Variants in PHACTR2 observed in about 807,000 individuals in gnomAD.
PHACTR2 encodes the protein chromosome 6 open reading frame 56.
PHACTR2 carries 30 observed loss-of-function variants against 76.0 expected under a neutral mutation model. The ratio of observed to expected loss-of-function variants is 0.39; its 90% CI spans 0.30 to 0.54. The LOEUF (loss-of-function observed/expected upper bound fraction) is 0.54, where lower values mean the gene tolerates loss of function less well. Among genes scored for constraint, PHACTR2 ranks in the 20% least tolerant of loss-of-function variants. The pLI is 0.61. For missense variants in PHACTR2, 696 were observed against 781.1 expected (o/e 0.89, Z 1.30); for synonymous variants, 292 against 292.5 (o/e 1.00, Z 0.02).
At chr6:143,690,217 A>T (rs540106466) in intron 1 of PHACTR2, among the ~76,000 whole-genome samples, 1 of 152,288 alleles carries the variant, frequency 6.6e-6, no homozygotes, top group African/African-American at 2.4e-5. Flanking sequence ...AATATGTTCA[A>T]ATACTCGAGT....
At chr6:143,540,127 A>C (rs1781159162) in intron 1 of PHACTR2, among the ~76,000 whole-genome samples, 1 of 152,210 alleles carries the variant, frequency 6.6e-6, no homozygotes, top group South Asian at 2.1e-4. Context: ...CTACTACTGC[A>C]GTCTCCCAAG....
Position 143,683,815 on chromosome 6 carries a change from C to T in PHACTR2, c.46+5606C>T, listed in dbSNP as rs1777452328. 6.6e-6 allele frequency among the ~76,000 whole-genome samples: 1 copy of T among 152,188 alleles called. No homozygotes were observed. On this transcript the variant is annotated intron_variant, in intron 1 of 12. Transcript: ENST00000440869. The surrounding 1 kb of genome is among the most constrained non-coding windows in gnomAD (Gnocchi z 4.1). The stretch of plus-strand genomic sequence containing the variant: ...TGGGATAAAAATGAATTTACTCCCT[C>T]CCAGAATCCTCCAGTCCCACTTTTC...
rs1234691054 is a variant in PHACTR2, at chr6:143,596,668, A to G, written c.217+59461A>G. Among the ~76,000 whole-genome samples the G allele has an allele frequency of 2.0e-5, 3 of 151,954 alleles. No individual in the cohort carries two copies. The highest frequency in any genetic ancestry group is 2.0e-4 in the Admixed American group (3 of 15,252). ...AGCCTGGGCAACATAGTGAGACCCC[A>G]TTTTACTAAAAATAAAAAAGTTAGC... On this transcript the variant is annotated intron_variant, in intron 1 of 11. Coordinates refer to the PHACTR2 transcript ENST00000367584. The surrounding 1 kb of genome is among the most constrained non-coding windows in gnomAD (Gnocchi z 4.6).
chr6:143,633,243 C>T lies in PHACTR2; in HGVS notation c.13+24921C>T, dbSNP rs1481396039. ...TCCCATCAGCAAAGAATGAGAGTTC[C>T]TGTTGCTCCACGTCTCTACCAGGAT... On this transcript the variant is annotated intron_variant, in intron 1 of 11. Coordinates refer to the PHACTR2 transcript ENST00000305766. The surrounding 1 kb of genome is among the most constrained non-coding windows in gnomAD (Gnocchi z 4.1). Among the ~76,000 whole-genome samples, 1 of 152,204 alleles carries T rather than the reference C, an allele frequency of 6.6e-6. No homozygotes were observed. Among genetic ancestry groups the T allele is most frequent in the Admixed American group, 6.5e-5 (1 of 15,284 alleles).
rs1324553054 is a variant in PHACTR2 at position 143,589,996 on chromosome 6, G to C, written c.217+52789G>C. On this transcript the variant is annotated intron_variant, in intron 1 of 11. Coordinates refer to the PHACTR2 transcript ENST00000367584. The surrounding 1 kb of genome is among the most constrained non-coding windows in gnomAD (Gnocchi z 4.4). ...TCTAAAAATATAATGATCATGCCCA[G>C]GTTGAATTTATTACAGAATATTATA... Among the ~76,000 whole-genome samples, 1 of 152,090 alleles carries C rather than the reference G, an allele frequency of 6.6e-6. No homozygotes were observed. Among genetic ancestry groups the C allele is most frequent in the Non-Finnish European group, 1.5e-5 (1 of 68,026 alleles).
intron 1 of PHACTR2, among the ~76,000 whole-genome samples, chr6:143,681,879 A>G (rs1777395875): frequency 6.6e-6 from 1 of 152,226 alleles, no homozygotes; most frequent in Admixed American, 6.5e-5. Flanking sequence ...CCAAAAATTG[A>G]TTGACTGTGT....
Position 143,767,434 on chromosome 6 carries a change from A to C in PHACTR2, c.1232+1636A>C, listed in dbSNP as rs1779585719. ...GACAGCCAAGAAAAAATAAATGTCA[A>C]ATTACAAATTAATTTATTTTCTTTG... On this transcript the variant is annotated intron_variant, in intron 6 of 12. Coordinates refer to ENST00000440869, the MANE Select transcript of PHACTR2 (RefSeq NM_001100164.2). This position sits in a 1 kb window ranked among gnomAD's most constrained non-coding sequence, Gnocchi z 4.4. 6.6e-6 allele frequency among the ~76,000 whole-genome samples: 1 copy of C among 152,192 alleles called. No individual in the cohort carries two copies. Among genetic ancestry groups the C allele is most frequent in the Admixed American group, 6.5e-5 (1 of 15,276 alleles).
intron 1 of PHACTR2, among the ~76,000 whole-genome samples, chr6:143,573,542 C>A (rs1582679558): frequency 6.6e-6 from 1 of 151,416 alleles, no homozygotes; most frequent in Non-Finnish European, 1.5e-5. Context: ...TACCTCCAAA[C>A]CAGTTTTGTG....
chr6:143,769,209 AGCTTCAT>A (rs1441093123), intron 6 of PHACTR2, among the ~76,000 whole-genome samples: 1 of 152,226 alleles, frequency 6.6e-6, no homozygotes, highest in East Asian at 1.9e-4. Flanking sequence ...ATTCATGGGC[AGCTTCAT>A]CAGTAACACA....
rs539549077 is a variant in PHACTR2 at position 143,705,104 on chromosome 6, C to T, written c.47-6912C>T. 6.7e-4 allele frequency among the ~76,000 whole-genome samples: 101 copies of T among 151,480 alleles called. 3 individuals carry two copies. The South Asian group carries it at 0.019, about 28-fold the overall frequency. ...CCTCCCAAATTGCTGGGATTACAGGCGTGAGCCACCGCGCCCGGCCTTGTT... is the reference window on the plus strand; with the variant it reads ...CCTCCCAAATTGCTGGGATTACAGGTGTGAGCCACCGCGCCCGGCCTTGTT... On this transcript the variant is annotated intron_variant, in intron 1 of 12. Coordinates refer to ENST00000440869, the MANE Select transcript of PHACTR2 (RefSeq NM_001100164.2).
intron 1 of PHACTR2, among the ~76,000 whole-genome samples, chr6:143,555,714 A>C (rs1450210479): frequency 6.6e-6 from 1 of 152,166 alleles, no homozygotes; most frequent in African/African-American, 2.4e-5. Context: ...TTAATCACAC[A>C]GTAGCCCCAG....
At position 143,537,497 on chromosome 6, in the gene PHACTR2, C is replaced by A. The variant is rs72994535; in HGVS notation, c.217+290C>A. ...GGTAGGGAGCGCTCCCTCTCGGCTG[C>A]ACGGCGCCAGGCAGCACCGCAGCTT... On this transcript the variant is annotated intron_variant, in intron 1 of 11. Coordinates refer to the PHACTR2 transcript ENST00000367584. The surrounding 1 kb of genome is among the most constrained non-coding windows in gnomAD (Gnocchi z 4.4). Among the ~76,000 whole-genome samples, 22,815 of 152,174 alleles carry A rather than the reference C, an allele frequency of 0.15. 2,056 individuals carry two copies. Among genetic ancestry groups the A allele is most frequent in the Non-Finnish European group, 0.21 (14,113 of 67,966 alleles).
Position 143,678,326 on chromosome 6 carries a change from C to G in PHACTR2, c.46+117C>G. On this transcript the variant is annotated intron_variant, in intron 1 of 12. Transcript: ENST00000440869. The surrounding 1 kb of genome is among the most constrained non-coding windows in gnomAD (Gnocchi z 6.2). ...GGTTCCGCTCGGACCCGCCAAGTCC[C>G]TCGGAGAAACCCCAGAGGTAGCGCT... 1 of 923,216 alleles carries G rather than the reference C, an allele frequency of 1.1e-6. No individual in the cohort carries two copies. The highest frequency in any genetic ancestry group is 1.5e-6 in the Non-Finnish European group (1 of 665,652). The allele number at this position is 923,216 out of a possible 1,614,324, so 57.2% of individuals were successfully genotyped here. A position where few individuals can be genotyped will look rare whatever the true frequency, so the allele number is the denominator to read the frequency against.
intron 2 of PHACTR2, among the ~76,000 whole-genome samples, chr6:143,732,535 G>A (rs1349356937): frequency 6.6e-6 from 1 of 152,088 alleles, no homozygotes; most frequent in East Asian, 1.9e-4. Flanking sequence ...GCTGGACGTT[G>A]GGTTTCTTTC....
intron 2 of PHACTR2, among the ~76,000 whole-genome samples, chr6:143,748,071 T>TA (rs1779106705): frequency 6.6e-6 from 1 of 151,054 alleles, no homozygotes; most frequent in African/African-American, 2.4e-5. Flanking sequence ...TTATTATTAT[T>TA]TTTTTTTTTC....
intron 2 of PHACTR2, among the ~76,000 whole-genome samples, chr6:143,746,199 C>A (rs1327094295): frequency 6.6e-6 from 1 of 152,132 alleles, no homozygotes; most frequent in Non-Finnish European, 1.5e-5. Context: ...CCTTAGTGAT[C>A]CTTGAATTGT....
intron 1 of PHACTR2, among the ~76,000 whole-genome samples, chr6:143,690,943 G>A (rs538558532): frequency 3.9e-5 from 6 of 152,246 alleles, no homozygotes; most frequent in South Asian, 2.1e-4. Context: ...TGGGATGCTC[G>A]TTCTGATAGG....
chr6:143,760,310 C>G lies in PHACTR2; in HGVS notation c.455-91C>G. Reference sequence around the variant, plus strand: ...CTGATTCTCAAGTACCAAGCAGACACGCTTTGTGTCACTATCGTCATGTCT... The same window carrying G: ...CTGATTCTCAAGTACCAAGCAGACAGGCTTTGTGTCACTATCGTCATGTCT... On this transcript the variant is annotated intron_variant, in intron 4 of 12. Transcript: ENST00000440869. The surrounding 1 kb of genome is among the most constrained non-coding windows in gnomAD (Gnocchi z 6.4). The G allele has an allele frequency of 8.6e-7, 1 of 1,163,472 alleles. No individual in the cohort carries two copies. Among genetic ancestry groups the G allele is most frequent in the Non-Finnish European group, 1.2e-6 (1 of 816,130 alleles). 72.1% of individuals were successfully genotyped at this position (1,163,472 alleles called of 1,614,324 possible).
rs888693510 is a variant in PHACTR2 at position 143,730,915 on chromosome 6, T to C, written c.215-18070T>C. Reference sequence around the variant, plus strand: ...GGCACGTGCCACTGCACCTGGCTAATTTTTGTATTTTTAGTAGAGACGGGG... The same window carrying C: ...GGCACGTGCCACTGCACCTGGCTAACTTTTGTATTTTTAGTAGAGACGGGG... On this transcript the variant is annotated intron_variant, in intron 2 of 12. Transcript: ENST00000440869. This position sits in a 1 kb window ranked among gnomAD's most constrained non-coding sequence, Gnocchi z 4.8. Among the ~76,000 whole-genome samples, 3 of 152,078 alleles carry C rather than the reference T, an allele frequency of 2.0e-5. No homozygotes were observed. Among genetic ancestry groups the C allele is most frequent in the Admixed American group, 6.6e-5 (1 of 15,262 alleles).
Sources: gnomAD v4.1 joint callset for allele counts (sites outside exome capture counted in the v4.1 genomes callset) on GRCh38, gnomAD v4.1.1 for gene constraint, Gnocchi (gnomAD v3.1) non-coding constraint, MANE v1.5 for transcripts, NCBI Gene and HGNC (gene_info 2026-07-23, HGNC 2026-07-21) for gene names.